The following ADD1 variants were observed in gnomAD, a reference collection of about 807,000 sequenced individuals.
ADD1 encodes the protein alpha-adducin.
In ADD1, 24 loss-of-function variants were observed where a neutral mutation model predicts 80.5. The ratio of observed to expected loss-of-function variants is 0.30; its 90% CI spans 0.22 to 0.42. The LOEUF (loss-of-function observed/expected upper bound fraction) is 0.42, where lower values mean the gene tolerates loss of function less well. Among genes scored for constraint, ADD1 ranks in the 10% least tolerant of loss-of-function variants. The pLI is 1.00. For missense variants in ADD1, 948 were observed against 1,019.0 expected, an observed-to-expected ratio of 0.93 and a Z score of 0.95; for synonymous variants, 373 against 393.8, an observed-to-expected ratio of 0.95 and a Z score of 0.63.
At chr4:2,846,844 G>A (rs1726277841) in intron 1 of ADD1, among the ~76,000 whole-genome samples, 2 of 149,838 alleles carry the variant, frequency 1.3e-5, no homozygotes, top group South Asian at 4.2e-4. Flanking sequence ...AAAGCCGAGC[G>A]TGGTGGCTCA....
chr4:2,858,723 A>AT (rs1215706348), intron 1 of ADD1, among the ~76,000 whole-genome samples: 1 of 152,224 alleles, frequency 6.6e-6, no homozygotes, highest in Admixed American at 6.5e-5. Flanking sequence ...GCAGTGGCTC[A>AT]TGCCTGTATT....
intron 1 of ADD1, 92 bp from the exon 2 acceptor site, chr4:2,875,804 G>A: frequency 9.4e-7 from 1 of 1,063,254 alleles, no homozygotes; most frequent in African/African-American, 1.6e-5. Context: ...TCCTCCTGTT[G>A]AAGATTGTGT....
At chr4:2,889,268 T>G (rs1441789669) in intron 4 of ADD1, among the ~76,000 whole-genome samples, 1 of 152,178 alleles carries the variant, frequency 6.6e-6, no homozygotes, top group African/African-American at 2.4e-5. Flanking sequence ...GCTGCTGGGA[T>G]GCTTGGGTAG....
intron 9 of ADD1, among the ~76,000 whole-genome samples, chr4:2,903,720 G>A (rs1187609366): frequency 6.6e-6 from 1 of 152,238 alleles, no homozygotes; most frequent in Non-Finnish European, 1.5e-5. Context: ...CAAGGTGGGA[G>A]GGGATTACAG....
chr4:2,887,868 A>C (rs1285099050), intron 4 of ADD1: 1 of 152,072 alleles, frequency 6.6e-6, no homozygotes, highest in African/African-American at 2.4e-5. Context: ...CTGACTTCAA[A>C]ATATCCTTCT....
intron 1 of ADD1, among the ~76,000 whole-genome samples, chr4:2,871,551 G>A (rs950351408): frequency 1.3e-5 from 2 of 152,134 alleles, no homozygotes; most frequent in Non-Finnish European, 2.9e-5. Context: ...TCTGAAGGCC[G>A]GCAGAGACCA....
intron 4 of ADD1, among the ~76,000 whole-genome samples, chr4:2,885,878 G>T (rs924542501): frequency 6.6e-6 from 1 of 152,070 alleles, no homozygotes; most frequent in Non-Finnish European, 1.5e-5. Context: ...CCAAAGTGCT[G>T]GGATTACAGG....
chr4:2,874,256 C>T (rs547114675), intron 1 of ADD1, among the ~76,000 whole-genome samples: 1 of 152,088 alleles, frequency 6.6e-6, no homozygotes, highest in Admixed American at 6.6e-5. Context: ...GTCATTAGTT[C>T]GTTTATTCTA....
chr4:2,879,616 C>G (rs1271908050), intron 2 of ADD1, among the ~76,000 whole-genome samples: 1 of 152,042 alleles, frequency 6.6e-6, no homozygotes, highest in African/African-American at 2.4e-5. Context: ...CCATCTGTAT[C>G]TCTTACTCTC....
intron 1 of ADD1, among the ~76,000 whole-genome samples, chr4:2,873,426 G>A (rs1015141014): frequency 2.0e-5 from 3 of 152,232 alleles, no homozygotes; most frequent in African/African-American, 7.2e-5. Flanking sequence ...GGCTCAGAAT[G>A]TGTATACTTT....
At chr4:2,899,583 A>T (rs768554399) in intron 9 of ADD1, 148 bp downstream of exon 9, 62 of 827,382 alleles carry the variant, frequency 7.5e-5, no homozygotes, top group Non-Finnish European at 1.2e-4. Flanking sequence ...GGGTTGTTTA[A>T]CTTCTGAGGT....
intron 12 of ADD1, chr4:2,908,870 C>T (rs1336372092): frequency 5.8e-6 from 3 of 518,210 alleles, no homozygotes; most frequent in Admixed American, 6.7e-5. Flanking sequence ...ACACCACCAG[C>T]TTTGGGGCTC....
Position 2,899,329 on chromosome 4 carries a change from A to C in ADD1, c.1055A>C (p.Lys352Thr). The C allele has an allele frequency of 6.2e-7, 1 of 1,614,234 alleles. No homozygotes were observed. Among genetic ancestry groups the C allele is most frequent in the East Asian group, 2.2e-5 (1 of 44,884 alleles). ...VLLNPEKYKAKSRSPGSPVGE... is the reference protein window; with the variant it reads ...VLLNPEKYKATSRSPGSPVGE... ...CTGAATCCTGAGAAGTACAAAGCCAAGTCCCGTTCCCCAGGGTCTCCGGTA... is the reference window on the plus strand; with the variant it reads ...CTGAATCCTGAGAAGTACAAAGCCACGTCCCGTTCCCCAGGGTCTCCGGTA... Residue 352 changes from lysine to threonine, a missense_variant, in exon 9 of 16, where the codon AAG becomes ACG. Physicochemically the swap from Lys to Thr is moderately conservative, Grantham distance 78 (BLOSUM62 -1). Transcript: ENST00000683351.
chr4:2,926,410 C>G lies in ADD1; in HGVS notation c.2047+298C>G. On this transcript the variant is annotated intron_variant, in intron 15 of 15. Coordinates refer to ENST00000683351, the MANE Select transcript of ADD1 (RefSeq NM_001354761.2). This position sits in a 1 kb window ranked among gnomAD's most constrained non-coding sequence, Gnocchi z 5.0. ...ACACTCCTCGTGCCGTGTTGTCATG[C>G]AGATGCCACCTTCGGAGGTGCCCTC... 5.8e-6 allele frequency: 4 copies of G among 694,134 alleles called. No individual in the cohort carries two copies. The highest frequency in any genetic ancestry group is 1.1e-5 in the Non-Finnish European group (4 of 380,844). The allele number at this position is 694,134 out of a possible 1,614,324, so 43.0% of individuals were successfully genotyped here.
rs1712668426 is a variant in ADD1, at chr4:2,929,579, G to T, written c.*1056G>T. 2 of 152,302 alleles carry T rather than the reference G, an allele frequency of 1.3e-5. No individual in the cohort carries two copies. The highest frequency in any genetic ancestry group is 3.2e-3 in the Middle Eastern group (1 of 316). The allele number at this position is 152,302 out of a possible 1,614,324, so 9.4% of individuals were successfully genotyped here. Reference sequence around the variant, plus strand: ...AGAGCTGCTGAGCAGGAACCGGAGGGTGACCCATTTCAGGAGGTGCCGGTA... The same window carrying T: ...AGAGCTGCTGAGCAGGAACCGGAGGTTGACCCATTTCAGGAGGTGCCGGTA... On this transcript the variant is annotated 3_prime_UTR_variant, in exon 16 of 16. Transcript: ENST00000683351.
chr4:2,928,697 G>C lies in ADD1; in HGVS notation c.*174G>C, dbSNP rs1312308132. On this transcript the variant is annotated 3_prime_UTR_variant, in exon 16 of 16. Coordinates refer to ENST00000683351, the MANE Select transcript of ADD1 (RefSeq NM_001354761.2). Reference sequence around the variant, plus strand: ...CCCGGGCTGACCCAGTGTGTGCTCAGCAGCCCCACCCCACCCTGCCCCTTG... The same window carrying C: ...CCCGGGCTGACCCAGTGTGTGCTCACCAGCCCCACCCCACCCTGCCCCTTG... 6.3e-6 allele frequency: 4 copies of C among 631,386 alleles called. No homozygotes were observed. In the African/African-American group the frequency reaches 7.5e-5, roughly 12 times the overall value. 39.1% of individuals were successfully genotyped at this position (631,386 alleles called of 1,614,324 possible).
chr4:2,860,953 A>G (rs1231851864), intron 1 of ADD1, among the ~76,000 whole-genome samples: 1 of 152,206 alleles, frequency 6.6e-6, no homozygotes, highest in Non-Finnish European at 1.5e-5. Flanking sequence ...GAAAACACAA[A>G]AAGTCCAGGG....
chr4:2,876,134 G>A (rs1288720668), intron 2 of ADD1, 24 bp downstream of exon 2: 64 of 1,595,834 alleles, frequency 4.0e-5, no homozygotes, highest in Non-Finnish European at 5.3e-5. Context: ...TCTTTTCTCT[G>A]ACCAGATGTC....
At position 2,894,565 on chromosome 4, in the gene ADD1, T is replaced by A. The variant is rs370387321; in HGVS notation, c.592-17T>A. The A allele has an allele frequency of 1.5e-4, 242 of 1,576,800 alleles. No homozygotes were observed. In the African/African-American group the frequency reaches 1.9e-3, roughly 12 times the overall value. ...AAGTCCTCTTGGTATTTTACATTTT[T>A]ATTTTTTTATTTTCAGGTTAAGATC... is the stretch of plus-strand genomic sequence containing the variant. On this transcript the variant is annotated splice_polypyrimidine_tract_variant and intron_variant, in intron 5 of 15. Coordinates refer to ENST00000683351, the MANE Select transcript of ADD1 (RefSeq NM_001354761.2).
Sources: gnomAD v4.1 joint callset for allele counts (sites outside exome capture counted in the v4.1 genomes callset) on GRCh38, gnomAD v4.1.1 for gene constraint, Gnocchi (gnomAD v3.1) non-coding constraint, MANE v1.5 for transcripts, NCBI Gene and HGNC (gene_info 2026-07-23, HGNC 2026-07-21) for gene names.